PLEKHA6: variants seen among roughly 807,000 people sequenced by gnomAD.
PLEKHA6 encodes the protein pleckstrin homology domain-containing family A member 6.
A neutral mutation model predicts 116.7 loss-of-function variants in PLEKHA6; 60 were observed. That is an observed-to-expected ratio of 0.51 (90% CI 0.42 to 0.64). PLEKHA6 has a LOEUF of 0.64. PLEKHA6 is among the 30% of genes least tolerant of loss of function. The pLI, the probability that PLEKHA6 is intolerant of heterozygous loss-of-function variation, is 0.00. For synonymous variants in PLEKHA6, 489 were observed against 556.1 expected, an observed-to-expected ratio of 0.88 and a Z score of 1.70; for missense variants, 1,338 against 1,422.7, an observed-to-expected ratio of 0.94 and a Z score of 0.96.
At chr1:204,304,685 ACT>A (rs1455311517) in intron 1 of PLEKHA6, among the ~76,000 whole-genome samples, 1 of 152,122 alleles carries the variant, frequency 6.6e-6, no homozygotes, top group Non-Finnish European at 1.5e-5. Context: ...ACTGGTGAAA[ACT>A]CTGTCACAGA....
At chr1:204,247,971 A>T (rs1006227737) in intron 12 of PLEKHA6, among the ~76,000 whole-genome samples, 1 of 146,856 alleles carries the variant, frequency 6.8e-6, no homozygotes, top group Non-Finnish European at 1.5e-5. Flanking sequence ...AAAAAATTTA[A>T]GTGGAGGTCA....
In PLEKHA6 at chr1:204,261,490, C is replaced by G. The variant is rs1193623710; in HGVS notation, c.382-42G>C. ...CGTGTGGAGCTGGCCTCGGCCTCAT[C>G]CACCCAGCACACAGTCACCTGTTGG... On this transcript the variant is annotated intron_variant, in intron 6 of 22. Transcript: ENST00000272203. This position sits in a 1 kb window ranked among gnomAD's most constrained non-coding sequence, Gnocchi z 4.0. The G allele has an allele frequency of 6.4e-7, 1 of 1,558,104 alleles. No homozygotes were observed. The highest frequency in any genetic ancestry group is 8.7e-7 in the Non-Finnish European group (1 of 1,151,908).
chr1:204,300,469 A>G (rs956361053), intron 1 of PLEKHA6, among the ~76,000 whole-genome samples: 2 of 152,232 alleles, frequency 1.3e-5, no homozygotes, highest in Non-Finnish European at 2.9e-5. Flanking sequence ...CGACAAAGCC[A>G]GCTGGATTCT....
chr1:204,229,191 C>A, intron 18 of PLEKHA6, 87 bp from the exon 19 acceptor site: 1 of 1,338,424 alleles, frequency 7.5e-7, no homozygotes, highest in South Asian at 1.3e-5. Flanking sequence ...TTTCCCTTCC[C>A]AGCTCGCCTG....
chr1:204,298,926 C>G (rs542396219), intron 1 of PLEKHA6, among the ~76,000 whole-genome samples: 5 of 152,258 alleles, frequency 3.3e-5, no homozygotes, highest in Non-Finnish European at 7.4e-5. Context: ...ATAGACTGAC[C>G]AGGAAGCTGA....
chr1:204,281,747 T>C (rs1668642870), intron 1 of PLEKHA6, among the ~76,000 whole-genome samples: 1 of 152,134 alleles, frequency 6.6e-6, no homozygotes, highest in Admixed American at 6.5e-5. Context: ...CCCCCTTTGA[T>C]GCCACAGTTA....
chr1:204,273,235 C>A (rs899108753), intron 3 of PLEKHA6, among the ~76,000 whole-genome samples: 1 of 152,118 alleles, frequency 6.6e-6, no homozygotes, highest in African/African-American at 2.4e-5. Context: ...AGATTTTGTC[C>A]CCAAGGGACA....
At chr1:204,310,985 A>T (rs1671637502) in intron 1 of PLEKHA6, among the ~76,000 whole-genome samples, 1 of 152,130 alleles carries the variant, frequency 6.6e-6, no homozygotes, top group Admixed American at 6.5e-5. Flanking sequence ...AGTTAGGGAA[A>T]CCCCTTATCC....
chr1:204,247,286 A>G, intron 13 of PLEKHA6, 79 bp downstream of exon 13: 1 of 835,392 alleles, frequency 1.2e-6, no homozygotes, highest in Non-Finnish European at 2.0e-6. Flanking sequence ...AATGGCCGGA[A>G]CCTTTGCTTT....
Position 204,312,559 on chromosome 1 carries a change from G to A in PLEKHA6, c.-94-37750C>T, listed in dbSNP as rs542751130. Among the ~76,000 whole-genome samples, 428 of 152,280 alleles carry A rather than the reference G, an allele frequency of 2.8e-3. 3 individuals are homozygous for A. Among genetic ancestry groups the A allele is most frequent in the Non-Finnish European group, 3.9e-3 (265 of 68,028 alleles). ...CCCCATGAAGCATGGCATTGTTTGGGCAGCACAAACACAACGTTCACCTGG... is the reference window on the plus strand; with the variant it reads ...CCCCATGAAGCATGGCATTGTTTGGACAGCACAAACACAACGTTCACCTGG... On this transcript the variant is annotated intron_variant, in intron 1 of 22. Transcript: ENST00000272203.
chr1:204,268,714 AGTCCTGTTCG>A (rs1362266642), intron 3 of PLEKHA6, among the ~76,000 whole-genome samples: 108 of 151,812 alleles, frequency 7.1e-4, no homozygotes, highest in African/African-American at 2.4e-3. Flanking sequence ...CTGCTCTGGG[AGTCCTGTTCG>A]TCATCTCATG....
At chr1:204,372,110 G>A (rs964105398) in intron 1 of PLEKHA6, among the ~76,000 whole-genome samples, 13 of 152,230 alleles carry the variant, frequency 8.5e-5, no homozygotes, top group African/African-American at 2.9e-4. Context: ...TAGTCCTTAT[G>A]TGTCAACAAT....
At chr1:204,348,432 G>C (rs976389530) in intron 1 of PLEKHA6, among the ~76,000 whole-genome samples, 1 of 152,084 alleles carries the variant, frequency 6.6e-6, no homozygotes, top group East Asian at 1.9e-4. Flanking sequence ...TGTTTGCAAA[G>C]AGCAAAGTCC....
intron 1 of PLEKHA6, among the ~76,000 whole-genome samples, chr1:204,373,856 G>A (rs1673820977): frequency 6.6e-6 from 1 of 152,112 alleles, no homozygotes. Flanking sequence ...CTGAGCTCAG[G>A]CACCATTGAA....
intron 17 of PLEKHA6, among the ~76,000 whole-genome samples, chr1:204,239,817 C>T (rs1412020774): frequency 6.6e-6 from 1 of 152,112 alleles, no homozygotes; most frequent in African/African-American, 2.4e-5. Context: ...CTTTTTCTCC[C>T]ATAGCCAGGA....
At chr1:204,281,945 G>T (rs1269218817) in intron 1 of PLEKHA6, among the ~76,000 whole-genome samples, 3 of 152,106 alleles carry the variant, frequency 2.0e-5, no homozygotes, top group African/African-American at 7.2e-5. Context: ...GAAGGCTGGG[G>T]GCCTTCTACG....
intron 1 of PLEKHA6, among the ~76,000 whole-genome samples, chr1:204,295,561 A>T (rs1403120453): frequency 1.3e-5 from 2 of 152,066 alleles, no homozygotes; most frequent in Non-Finnish European, 1.5e-5. Context: ...TAAGGTGTGT[A>T]GCAAGTCCTT....
intron 1 of PLEKHA6, chr1:204,299,666 G>T: frequency 1.0e-6 from 1 of 984,280 alleles, no homozygotes. Context: ...CTGTCTTAGG[G>T]CCTCACAGTT....
At chr1:204,248,322 T>C (rs910107437) in intron 12 of PLEKHA6, among the ~76,000 whole-genome samples, 1 of 152,038 alleles carries the variant, frequency 6.6e-6, no homozygotes, top group African/African-American at 2.4e-5. Flanking sequence ...AACCGGCTAA[T>C]TTTGTATTTT....
Sources: gnomAD v4.1 joint callset for allele counts (sites outside exome capture counted in the v4.1 genomes callset) on GRCh38, gnomAD v4.1.1 for gene constraint, Gnocchi (gnomAD v3.1) non-coding constraint, MANE v1.5 for transcripts, NCBI Gene and HGNC (gene_info 2026-07-23, HGNC 2026-07-21) for gene names.